Variants in CPNE4 observed in about 807,000 individuals in gnomAD.
The protein encoded by CPNE4 is copine-4.
In CPNE4, 25 loss-of-function variants were observed where a neutral mutation model predicts 67.9. The ratio of observed to expected loss-of-function variants is 0.37; its 90% CI spans 0.27 to 0.51. The LOEUF is 0.51. Ranked by LOEUF, CPNE4 falls within the 20% of genes least tolerant of loss-of-function variation. CPNE4 has a pLI of 0.93. For synonymous variants in CPNE4, 242 were observed against 244.9 expected, an observed-to-expected ratio of 0.99 and a Z score of 0.11; for missense variants, 464 against 690.8, an observed-to-expected ratio of 0.67 and a Z score of 3.68.
intron 2 of CPNE4, among the ~76,000 whole-genome samples, chr3:131,742,984 G>A (rs534296555): frequency 5.3e-4 from 81 of 152,012 alleles, no homozygotes; most frequent in African/African-American, 1.9e-3. Flanking sequence ...TAAACTAGAG[G>A]ATGAATTAAT....
chr3:131,843,771 A>G (rs990814370), intron 2 of CPNE4, among the ~76,000 whole-genome samples: 2 of 152,140 alleles, frequency 1.3e-5, no homozygotes, highest in African/African-American at 4.8e-5. Context: ...AAGCACTGGA[A>G]GTGTGAGTCT....
At chr3:131,801,402 A>AT (rs71622077) in intron 2 of CPNE4, among the ~76,000 whole-genome samples, 1,353 of 113,862 alleles carry the variant, frequency 0.012, 62 homozygotes, top group African/African-American at 0.041. Context: ...ATATATATAT[A>AT]GGTACATATA....
At chr3:132,019,533 A>G (rs1331791151) in intron 1 of CPNE4, among the ~76,000 whole-genome samples, 1 of 152,204 alleles carries the variant, frequency 6.6e-6, no homozygotes, top group Non-Finnish European at 1.5e-5. Flanking sequence ...AAAGATCTAC[A>G]TATACAGGAA....
chr3:131,702,651 G>T (rs2107707837), intron 3 of CPNE4, among the ~76,000 whole-genome samples: 1 of 152,314 alleles, frequency 6.6e-6, no homozygotes, highest in East Asian at 1.9e-4. Flanking sequence ...CATTGCATTA[G>T]CAGGTGTGGG....
intron 10 of CPNE4, among the ~76,000 whole-genome samples, chr3:131,573,641 C>G (rs888908742): frequency 7.2e-5 from 11 of 152,062 alleles, no homozygotes; most frequent in African/African-American, 2.7e-4. Context: ...CCTGAAATCA[C>G]GTTTTTGCCT....
chr3:131,981,058 C>G (rs1169022265), intron 1 of CPNE4, among the ~76,000 whole-genome samples: 1 of 152,106 alleles, frequency 6.6e-6, no homozygotes, highest in Non-Finnish European at 1.5e-5. Context: ...CTATGGGTCT[C>G]TCAGTGGTGG....
At chr3:131,861,086 A>T (rs1444867961) in intron 2 of CPNE4, among the ~76,000 whole-genome samples, 1 of 152,216 alleles carries the variant, frequency 6.6e-6, no homozygotes, top group African/African-American at 2.4e-5. Flanking sequence ...ACTTTCTGAA[A>T]CATACATATA....
intron 2 of CPNE4, among the ~76,000 whole-genome samples, chr3:131,835,392 G>A (rs1479061988): frequency 6.6e-6 from 1 of 152,114 alleles, no homozygotes; most frequent in Non-Finnish European, 1.5e-5. Flanking sequence ...AGCTGGGCAT[G>A]GTGGGGCGTG....
chr3:131,902,968 C>A (rs538455575), intron 2 of CPNE4, among the ~76,000 whole-genome samples: 10 of 152,240 alleles, frequency 6.6e-5, no homozygotes, highest in African/African-American at 2.4e-4. Context: ...ATTCCCCAAT[C>A]TGCCTATCAG....
intron 7 of CPNE4, among the ~76,000 whole-genome samples, chr3:131,642,309 A>C (rs1424148074): frequency 2.0e-5 from 3 of 152,122 alleles, no homozygotes; most frequent in Admixed American, 6.5e-5. Context: ...TAAAGAGTAA[A>C]TGTTCCATCA....
At chr3:131,827,705 T>C (rs899207332) in intron 2 of CPNE4, among the ~76,000 whole-genome samples, 9 of 151,978 alleles carry the variant, frequency 5.9e-5, no homozygotes, top group Non-Finnish European at 2.9e-5. Context: ...GGTGTTGGGA[T>C]GGAAATGTAG....
Position 131,673,771 on chromosome 3 carries a change from G to GAC in CPNE4, c.592-4009_592-4008dup, listed in dbSNP as rs2080488104. On this transcript the variant is annotated intron_variant, in intron 6 of 15. Coordinates refer to ENST00000429747, the MANE Select transcript of CPNE4 (RefSeq NM_130808.3). ...TATCATCTGCAAACAAGTATAAATTGACTTCTTCCTTTTCAATTTGAATGC... is the reference window on the plus strand; with the variant it reads ...TATCATCTGCAAACAAGTATAAATTGACACTTCTTCCTTTTCAATTTGAATGC... Among the ~76,000 whole-genome samples the GAC allele has an allele frequency of 2.6e-5, 4 of 151,956 alleles. No individual in the cohort carries two copies. The South Asian group carries it at 8.3e-4, about 31-fold the overall frequency.
At chr3:131,614,586 AAGT>A (rs1351320581) in intron 7 of CPNE4, among the ~76,000 whole-genome samples, 2 of 150,220 alleles carry the variant, frequency 1.3e-5, no homozygotes, top group Non-Finnish European at 3.0e-5. Context: ...GTCGTTTTTG[AAGT>A]AGGTCTGAAA....
chr3:131,913,135 C>T (rs1023263882), intron 1 of CPNE4, among the ~76,000 whole-genome samples: 1 of 152,136 alleles, frequency 6.6e-6, no homozygotes, highest in Admixed American at 6.6e-5. Flanking sequence ...GCTCCCCCCA[C>T]TCCATCAGGA....
intron 4 of CPNE4, among the ~76,000 whole-genome samples, chr3:131,698,389 T>C (rs2081210156): frequency 6.6e-6 from 1 of 152,054 alleles, no homozygotes; most frequent in African/African-American, 2.4e-5. Flanking sequence ...CTGGATCTAC[T>C]GGTTTTGTGG....
chr3:132,026,992 C>T (rs1432900641), intron 1 of CPNE4, among the ~76,000 whole-genome samples: 4 of 152,238 alleles, frequency 2.6e-5, no homozygotes, highest in African/African-American at 7.2e-5. Context: ...CAAAACTTAA[C>T]ACATATTTGT....
At chr3:131,978,938 T>C (rs1583552254) in intron 1 of CPNE4, among the ~76,000 whole-genome samples, 1 of 152,094 alleles carries the variant, frequency 6.6e-6, no homozygotes, top group South Asian at 2.1e-4. Context: ...ATCTTAATTT[T>C]GTTTTTGATC....
chr3:131,995,956 C>T (rs1158546406), intron 1 of CPNE4, among the ~76,000 whole-genome samples: 1 of 152,194 alleles, frequency 6.6e-6, no homozygotes, highest in Non-Finnish European at 1.5e-5. Context: ...AACTCTATCA[C>T]TATCACATGC....
At chr3:131,983,112 T>A (rs1476527424) in intron 1 of CPNE4, among the ~76,000 whole-genome samples, 2 of 152,122 alleles carry the variant, frequency 1.3e-5, no homozygotes, top group Non-Finnish European at 1.5e-5. Context: ...TTTTTATAAG[T>A]TTTAGGCTTT....
Sources: gnomAD v4.1 joint callset for allele counts (sites outside exome capture counted in the v4.1 genomes callset) on GRCh38, gnomAD v4.1.1 for gene constraint, MANE v1.5 for transcripts, NCBI Gene and HGNC (gene_info 2026-07-23, HGNC 2026-07-21) for gene names.